The following UNC79 variants were observed in gnomAD, a reference collection of about 807,000 sequenced individuals.
UNC79 encodes the protein protein unc-79 homolog.
UNC79 carries 37 observed loss-of-function variants against 283.1 expected under a neutral mutation model. The ratio of observed to expected loss-of-function variants is 0.13; its 90% CI spans 0.10 to 0.17. The LOEUF (loss-of-function observed/expected upper bound fraction) is 0.17. UNC79 is among the 10% of genes least tolerant of loss of function. The pLI is 1.00. For missense variants in UNC79, 2,272 were observed against 3,211.1 expected, an observed-to-expected ratio of 0.71 and a Z score of 7.07; for synonymous variants, 1,107 against 1,200.2, an observed-to-expected ratio of 0.92 and a Z score of 1.61.
chr14:93,377,341 G>A (rs866891738), intron 1 of UNC79, among the ~76,000 whole-genome samples: 2 of 151,972 alleles, frequency 1.3e-5, no homozygotes, highest in African/African-American at 4.8e-5. Context: ...TGATCCACCC[G>A]CCTCGGCCTC....
intron 1 of UNC79, chr14:93,397,040 A>C (rs752366659): frequency 6.6e-6 from 1 of 151,942 alleles, no homozygotes; most frequent in Non-Finnish European, 1.5e-5. Flanking sequence ...CTTGTTTTCT[A>C]TTGTTTCCCT....
chr14:93,405,283 CA>C (rs11289076), intron 1 of UNC79, among the ~76,000 whole-genome samples: 17,687 of 120,328 alleles, frequency 0.15, 1,253 homozygotes, highest in African/African-American at 0.24. Context: ...AACTCCATCT[CA>C]AAAAAAAAAA....
At chr14:93,645,284 A>G (rs1333829171) in intron 34 of UNC79, among the ~76,000 whole-genome samples, 1 of 152,236 alleles carries the variant, frequency 6.6e-6, no homozygotes, top group Non-Finnish European at 1.5e-5. Context: ...ATTGAAACAC[A>G]TGAGCTTTGA....
chr14:93,525,336 C>G (rs867234787), intron 8 of UNC79, among the ~76,000 whole-genome samples: 1 of 152,030 alleles, frequency 6.6e-6, no homozygotes, highest in African/African-American at 2.4e-5. Context: ...GTAATCCCAG[C>G]TACTCGGGAG....
intron 5 of UNC79, among the ~76,000 whole-genome samples, chr14:93,488,044 A>G (rs1298927586): frequency 6.6e-6 from 1 of 152,246 alleles, no homozygotes; most frequent in Non-Finnish European, 1.5e-5. Flanking sequence ...ATCACCTGCA[A>G]TTCTAAGAAC....
At chr14:93,554,607 A>AG (rs1314905879) in intron 14 of UNC79, among the ~76,000 whole-genome samples, 7 of 152,178 alleles carry the variant, frequency 4.6e-5, no homozygotes. Context: ...ACATGAGCCC[A>AG]GATTCTGGCC....
rs2055121622 is a variant in UNC79, at chr14:93,402,187, G to T, written c.-350-65484G>T. ...AGCTACTTGGGAGGCTGAGGCAGGAGAATTGCTTGAACCCAAGATGCGGAG... is the reference window on the plus strand; with the variant it reads ...AGCTACTTGGGAGGCTGAGGCAGGATAATTGCTTGAACCCAAGATGCGGAG... On this transcript the variant is annotated intron_variant, in intron 1 of 49. Coordinates refer to the UNC79 transcript ENST00000256339. 3.4e-5 allele frequency among the ~76,000 whole-genome samples: 5 copies of T among 145,676 alleles called. No homozygotes were observed. In the South Asian group the frequency reaches 1.1e-3, roughly 32 times the overall value.
intron 5 of UNC79, among the ~76,000 whole-genome samples, chr14:93,490,166 G>A (rs1178234296): frequency 6.6e-6 from 1 of 152,176 alleles, no homozygotes; most frequent in African/African-American, 2.4e-5. Context: ...CTCTGGGTCT[G>A]TGATGGGAGG....
intron 1 of UNC79, among the ~76,000 whole-genome samples, chr14:93,463,989 A>T (rs1017735611): frequency 5.9e-5 from 9 of 152,032 alleles, no homozygotes; most frequent in Non-Finnish European, 1.3e-4. Context: ...CTCTACTAAA[A>T]TTACAAAAAA....
Position 93,621,679 on chromosome 14 carries a change from C to T in UNC79, c.4446C>T (p.His1482=), listed in dbSNP as rs1206768027. The T allele has an allele frequency of 6.2e-7, 1 of 1,611,926 alleles. No homozygotes were observed. Residue 1482 remains histidine, a synonymous_variant, in exon 30 of 49, where the codon CAC becomes CAT. Coordinates refer to ENST00000555664, the Ensembl canonical transcript of UNC79. The surrounding 1 kb of genome is among the most constrained non-coding windows in gnomAD (Gnocchi z 4.8). ...GTGCATTACAAGACAGCCTTCTCCA[C>T]TGTGTGAGAGAAGAAAGCATTCCGA...
chr14:93,405,909 G>A (rs1595437992), intron 1 of UNC79, among the ~76,000 whole-genome samples: 1 of 152,170 alleles, frequency 6.6e-6, no homozygotes, highest in Non-Finnish European at 1.5e-5. Context: ...AGATACCAGC[G>A]GAGTTTCATC....
At chr14:93,383,215 G>A (rs2054700845) in intron 1 of UNC79, among the ~76,000 whole-genome samples, 2 of 152,142 alleles carry the variant, frequency 1.3e-5, no homozygotes, top group South Asian at 4.1e-4. Context: ...TCTCAGCTTA[G>A]CATTCACCAT....
intron 34 of UNC79, 50 bp from the exon 38 acceptor site, chr14:93,646,558 A>G (rs756555069): frequency 3.6e-5 from 57 of 1,585,594 alleles, no homozygotes; most frequent in Non-Finnish European, 4.4e-5. Flanking sequence ...AATGCATTTC[A>G]TCATGGAAAC....
intron 7 of UNC79, among the ~76,000 whole-genome samples, chr14:93,511,982 A>G (rs574680526): frequency 5.3e-5 from 8 of 152,182 alleles, no homozygotes; most frequent in Non-Finnish European, 1.0e-4. Context: ...AAAATTACCA[A>G]CTTCCCTCTA....
intron 11 of UNC79, among the ~76,000 whole-genome samples, chr14:93,534,755 G>A (rs1398585859): frequency 6.6e-6 from 1 of 152,126 alleles, no homozygotes; most frequent in African/African-American, 2.4e-5. Context: ...GCATGTTTTG[G>A]CTCTGGGGAC....
chr14:93,511,897 C>G (rs1434009186), intron 7 of UNC79, among the ~76,000 whole-genome samples: 1 of 151,972 alleles, frequency 6.6e-6, no homozygotes, highest in African/African-American at 2.4e-5. Flanking sequence ...ATTTTTTCTT[C>G]TTTTTCCTAG....
intron 1 of UNC79, among the ~76,000 whole-genome samples, chr14:93,407,688 T>C (rs10130557): frequency 0.54 from 81,247 of 151,834 alleles, 22,300 homozygotes; most frequent in Admixed American, 0.65. Context: ...GGTAAGAAAC[T>C]ATTTGGAAGG....
At chr14:93,562,854 T>C (rs1255842220) in intron 14 of UNC79, among the ~76,000 whole-genome samples, 1 of 152,110 alleles carries the variant, frequency 6.6e-6, no homozygotes, top group Non-Finnish European at 1.5e-5. Context: ...ACTCGGGGCA[T>C]GTGAGTAAAG....
At chr14:93,568,761 C>T (rs978948136) in intron 14 of UNC79, among the ~76,000 whole-genome samples, 1 of 152,148 alleles carries the variant, frequency 6.6e-6, no homozygotes, top group Non-Finnish European at 1.5e-5. Flanking sequence ...TCATCTTTGC[C>T]TCACTTTTAT....
Sources: allele counts gnomAD v4.1 joint callset (sites outside exome capture counted in the v4.1 genomes callset), GRCh38; gene constraint gnomAD v4.1.1; non-coding constraint Gnocchi (gnomAD v3.1); transcripts MANE v1.5; gene names NCBI Gene and HGNC (gene_info 2026-07-23, HGNC 2026-07-21).